The following ECE1 variants were observed in gnomAD, a reference collection of about 807,000 sequenced individuals.
ECE1 encodes the protein endothelin-converting enzyme 1.
A neutral mutation model predicts 98.6 loss-of-function variants in ECE1; 35 were observed. The observed-to-expected ratio is 0.35, with a 90% confidence interval of 0.27 to 0.47. The LOEUF is 0.47. Among genes scored for constraint, ECE1 ranks in the 20% least tolerant of loss-of-function variants. The probability of loss-of-function intolerance (pLI) is 1.00; values close to 1 mark genes in which losing one functional copy is unlikely to be tolerated. For missense variants in ECE1, 814 were observed against 1,025.3 expected (o/e 0.79, Z 2.81); for synonymous variants, 394 against 407.1 (o/e 0.97, Z 0.39).
intron 1 of ECE1, among the ~76,000 whole-genome samples, chr1:21,332,735 G>T (rs1421345360): frequency 4.8e-5 from 2 of 41,378 alleles, no homozygotes; most frequent in Non-Finnish European, 1.0e-4. Context: ...GGGAGGGGAG[G>T]GGAGGGGAGG....
chr1:21,240,588 CAAGA>C (rs34170976), intron 10 of ECE1, among the ~76,000 whole-genome samples: 11,820 of 152,242 alleles, frequency 0.078, 658 homozygotes, highest in East Asian at 0.24. Flanking sequence ...TCCTTCTAGG[CAAGA>C]AAGAAAGGAA....
chr1:21,256,962 G>A (rs1329140396), intron 7 of ECE1, among the ~76,000 whole-genome samples: 26 of 152,132 alleles, frequency 1.7e-4, no homozygotes, highest in Admixed American at 1.7e-3. Flanking sequence ...CCGGCGGAAG[G>A]ATGAAAGGAC....
chr1:21,280,827 G>A (rs1445172114), intron 2 of ECE1, among the ~76,000 whole-genome samples: 1 of 152,182 alleles, frequency 6.6e-6, no homozygotes, highest in East Asian at 1.9e-4. Context: ...GAAATGACTG[G>A]GAATTGCTGC....
At position 21,290,022 on chromosome 1, in the gene ECE1, C is replaced by G. The variant is rs781649365; in HGVS notation, c.138+48G>C. 9 of 1,266,968 alleles carry G rather than the reference C, an allele frequency of 7.1e-6. No homozygotes were observed. In the Admixed American group the frequency reaches 3.0e-4, roughly 42 times the overall value. 78.5% of individuals were successfully genotyped at this position (1,266,968 alleles called of 1,614,324 possible). On this transcript the variant is annotated intron_variant, in intron 2 of 18. Transcript: ENST00000374893. The surrounding 1 kb of genome is among the most constrained non-coding windows in gnomAD (Gnocchi z 7.3). ...GGGCGCGGCAGCGGCAGCGCGCATG[C>G]CCGGGCCCGGGGCGCCTGGACCTCG...
chr1:21,225,553 C>A lies in ECE1; in HGVS notation c.1850-113G>T. The A allele has an allele frequency of 7.9e-7, 1 of 1,266,404 alleles. No individual in the cohort carries two copies. Among genetic ancestry groups the A allele is most frequent in the Non-Finnish European group, 1.1e-6 (1 of 909,226 alleles). 78.4% of individuals were successfully genotyped at this position (1,266,404 alleles called of 1,614,324 possible). On this transcript the variant is annotated intron_variant, in intron 16 of 18. Transcript: ENST00000374893. This position sits in a 1 kb window ranked among gnomAD's most constrained non-coding sequence, Gnocchi z 5.3. ...TCATCCGTCCACCCCCGTCCTCCAG[C>A]CACCATGGGGAGACGAGGTCCCTGT...
chr1:21,342,595 GACACACACAGATACACACAC>G (rs1639421015), intron 1 of ECE1, among the ~76,000 whole-genome samples: 1 of 128,710 alleles, frequency 7.8e-6, no homozygotes, highest in Non-Finnish European at 1.7e-5. Flanking sequence ...CAGACACACA[GACACACACAGATACACACAC>G]ACACACACAC....
chr1:21,321,409 C>T (rs1288049513), intron 1 of ECE1, among the ~76,000 whole-genome samples: 1 of 152,168 alleles, frequency 6.6e-6, no homozygotes, highest in Non-Finnish European at 1.5e-5. Context: ...AGCCCTGGGG[C>T]CCCCAGCAGC....
chr1:21,233,378 C>T lies in ECE1; in HGVS notation c.1670+180G>A. On this transcript the variant is annotated intron_variant, in intron 14 of 18. Transcript: ENST00000374893. This position sits in a 1 kb window ranked among gnomAD's most constrained non-coding sequence, Gnocchi z 4.0. ...CATCCCAGCTCCTAGCTGGGCCATACTTCTTTTGCCCTTGGTTTCTTCATC... is the reference window on the plus strand; with the variant it reads ...CATCCCAGCTCCTAGCTGGGCCATATTTCTTTTGCCCTTGGTTTCTTCATC... 3.4e-6 allele frequency: 2 copies of T among 582,960 alleles called. No homozygotes were observed. Among genetic ancestry groups the T allele is most frequent in the Non-Finnish European group, 3.0e-6 (1 of 329,864 alleles). The allele number at this position is 582,960 out of a possible 1,614,324, so 36.1% of individuals were successfully genotyped here. A position where few individuals can be genotyped will look rare whatever the true frequency, so the allele number is the denominator to read the frequency against.
In ECE1 at chr1:21,327,731, G is replaced by GC. The variant is rs2103409036; in HGVS notation, c.3+17644dup. Among the ~76,000 whole-genome samples the GC allele has an allele frequency of 1.3e-5, 2 of 152,248 alleles. No homozygotes were observed. Among genetic ancestry groups the GC allele is most frequent in the Admixed American group, 1.3e-4 (2 of 15,302 alleles). On this transcript the variant is annotated intron_variant, in intron 1 of 18. Transcript: ENST00000415912. This position sits in a 1 kb window ranked among gnomAD's most constrained non-coding sequence, Gnocchi z 4.6. Reference sequence around the variant, plus strand: ...TCCAGCTACACAGCTGGGGTCCCCAGCCCCCCGGGCCTCAGACCAGTACCA... The same window carrying GC: ...TCCAGCTACACAGCTGGGGTCCCCAGCCCCCCCGGGCCTCAGACCAGTACCA...
intron 11 of ECE1, 74 bp downstream of exon 11, chr1:21,238,060 G>A: frequency 7.2e-7 from 1 of 1,388,078 alleles, no homozygotes; most frequent in Non-Finnish European, 1.0e-6. Flanking sequence ...GTGGGCTGGA[G>A]TGTGAACTGG....
At position 21,321,685 on chromosome 1, in the gene ECE1, G is replaced by A. The variant is rs536047990; in HGVS notation, c.3+23691C>T. 5.1e-4 allele frequency among the ~76,000 whole-genome samples: 78 copies of A among 152,226 alleles called. 2 individuals are homozygous for A. The South Asian group carries it at 0.012, about 23-fold the overall frequency. On this transcript the variant is annotated intron_variant, in intron 1 of 18. Coordinates refer to the ECE1 transcript ENST00000415912. ...GGCTGGAGTGTAATGGCGCAATCTC[G>A]GCTCACTGCAACCTCTGCCTCCCGG...
intron 1 of ECE1, among the ~76,000 whole-genome samples, chr1:21,303,536 G>T (rs896959002): frequency 3.9e-5 from 6 of 152,216 alleles, no homozygotes; most frequent in Non-Finnish European, 7.3e-5. Context: ...AAGCACTCAG[G>T]AAATACCAGC....
rs1276921975 is a variant in ECE1 at position 21,319,963 on chromosome 1, C to T, written c.3+25413G>A. Among the ~76,000 whole-genome samples the T allele has an allele frequency of 6.6e-6, 1 of 152,282 alleles. No individual in the cohort carries two copies. The highest frequency in any genetic ancestry group is 2.1e-4 in the South Asian group (1 of 4,822). On this transcript the variant is annotated intron_variant, in intron 1 of 18. Coordinates refer to the ECE1 transcript ENST00000415912. The surrounding 1 kb of genome is among the most constrained non-coding windows in gnomAD (Gnocchi z 4.4). ...GTCCCATCTTTTGACTTCCCTGGGC[C>T]ACAATGTAAGAAATATTGTCTTGGG...
intron 1 of ECE1, among the ~76,000 whole-genome samples, chr1:21,324,773 G>A (rs1016841501): frequency 1.3e-5 from 2 of 152,230 alleles, no homozygotes; most frequent in Admixed American, 6.5e-5. Flanking sequence ...AGGTGGCAGA[G>A]ATAAGCAGCT....
At chr1:21,272,613 TA>T in intron 4 of ECE1, 85 bp downstream of exon 4, 1 of 1,533,150 alleles carries the variant, frequency 6.5e-7, no homozygotes, top group South Asian at 1.2e-5. Flanking sequence ...GCTCCTCCTT[TA>T]AGCAGGCGCA....
chr1:21,280,289 C>T (rs6657439), intron 2 of ECE1, among the ~76,000 whole-genome samples: 3,045 of 152,256 alleles, frequency 0.02, 83 homozygotes, highest in African/African-American at 0.059. Context: ...TCAGTGACAC[C>T]GTGTCATGTG....
At chr1:21,292,761 T>C (rs1259280278), upstream of ECE1, among the ~76,000 whole-genome samples, 6 of 152,180 alleles carry the variant, frequency 3.9e-5, no homozygotes, top group Non-Finnish European at 8.8e-5. Flanking sequence ...TCTAACTTCA[T>C]AATGCCTACA....
chr1:21,238,151 C>G lies in ECE1; in HGVS notation c.1372G>C (p.Glu458Gln). ...GPMFVKATFA[E>Q]DSKSIATEII... is the part of the protein sequence containing the mutation. ...GCACTTACTATGCTCTTGCTGTCCT[C>G]GGCGAAGGTTGCTTTGACAAACATG... The change falls in exon 11 of 19, where the codon GAG becomes CAG. Residue 458 changes from glutamate (E) to glutamine (Q), a missense_variant. Glu to Gln is a conservative substitution (Grantham distance 29). Around this residue, in one of 3 missense-constraint regions of ECE1, gnomAD observed 452 missense variants for 567.3 expected, o/e 0.80. Coordinates refer to ENST00000374893, the MANE Select transcript of ECE1 (RefSeq NM_001397.3). 2.5e-6 allele frequency: 4 copies of G among 1,614,222 alleles called. No individual in the cohort carries two copies. The highest frequency in any genetic ancestry group is 1.7e-6 in the Non-Finnish European group (2 of 1,180,022).
chr1:21,273,330 T>C (rs1294229354), intron 3 of ECE1, among the ~76,000 whole-genome samples: 2 of 146,244 alleles, frequency 1.4e-5, no homozygotes, highest in Non-Finnish European at 3.0e-5. Context: ...TGAAAGTGTG[T>C]GCCCGTGCGT....
Sources: allele counts gnomAD v4.1 joint callset (sites outside exome capture counted in the v4.1 genomes callset), GRCh38; gene constraint gnomAD v4.1.1; regional missense constraint gnomAD v4.1.1; non-coding constraint Gnocchi (gnomAD v3.1); transcripts MANE v1.5; gene names NCBI Gene and HGNC (gene_info 2026-07-23, HGNC 2026-07-21).